LYPD4: variants seen among roughly 807,000 people sequenced by gnomAD.
LYPD4 encodes the protein LY6/PLAUR domain containing 4.
In LYPD4, 20 loss-of-function variants were observed where a neutral mutation model predicts 18.2. The observed-to-expected ratio is 1.10, with a 90% CI of 0.77 to 1.59. The LOEUF is 1.59. Ranked by LOEUF, LYPD4 falls within the 40% of genes most tolerant of loss-of-function variation. The pLI is 0.00. For missense variants in LYPD4, 278 were observed against 300.3 expected, an observed-to-expected ratio of 0.93 and a Z score of 0.55; for synonymous variants, 111 against 118.3, an observed-to-expected ratio of 0.94 and a Z score of 0.40.
At chr19:41,841,305 G>A (rs536815054) in intron 1 of LYPD4, among the ~76,000 whole-genome samples, 1 of 151,670 alleles carries the variant, frequency 6.6e-6, no homozygotes, top group South Asian at 2.1e-4. Flanking sequence ...GACTGCTCGA[G>A]GTCAGCAATT....
chr19:41,841,094 A>G (rs1446185440), intron 1 of LYPD4, among the ~76,000 whole-genome samples: 1 of 152,238 alleles, frequency 6.6e-6, no homozygotes, highest in Admixed American at 6.5e-5. Flanking sequence ...AAAAAGATCC[A>G]TTCTATGAAA....
chr19:41,839,365 G>A lies in LYPD4; in HGVS notation c.-80C>T, dbSNP rs1555832666. The A allele has an allele frequency of 7.4e-7, 1 of 1,342,350 alleles. No homozygotes were observed. Among genetic ancestry groups the A allele is most frequent in the East Asian group, 2.3e-5 (1 of 43,434 alleles). The allele number at this position is 1,342,350 out of a possible 1,614,324, so 83.2% of individuals were successfully genotyped here. On this transcript the variant is annotated 5_prime_UTR_variant, in exon 2 of 5. Coordinates refer to ENST00000609812, the MANE Select transcript of LYPD4 (RefSeq NM_173506.7). ...TGGATCCCAAGCTCAGTTCCCATCA[G>A]TCCCCGAATTCTTTGTCCACCTGTC...
intron 4 of LYPD4, 37 bp from the exon 5 acceptor site, chr19:41,837,382 A>G: frequency 1.2e-6 from 2 of 1,611,226 alleles, no homozygotes; most frequent in East Asian, 2.2e-5. Context: ...GAACACTTTC[A>G]AGACTCAAGA....
downstream of LYPD4, among the ~76,000 whole-genome samples, chr19:41,836,467 G>C (rs2073375953): frequency 6.6e-6 from 1 of 151,972 alleles, no homozygotes; most frequent in Non-Finnish European, 1.5e-5. Flanking sequence ...TTTCTTCTTT[G>C]CAAAATAGAG....
chr19:41,837,117 G>C lies in LYPD4; in HGVS notation c.*26C>G. 6.2e-7 allele frequency: 1 copy of C among 1,613,206 alleles called. No homozygotes were observed. Among genetic ancestry groups the C allele is most frequent in the Non-Finnish European group, 8.5e-7 (1 of 1,179,722 alleles). The stretch of plus-strand genomic sequence containing the variant: ...TTTATTTGTTATGTGAAAGAGTCTG[G>C]GTGCTTGTCGGGTGCAGCTAGATGG... On this transcript the variant is annotated 3_prime_UTR_variant, in exon 5 of 5. Transcript: ENST00000609812.
At chr19:41,843,062 AAAAAAAAAAAAAAAACC>A (rs1600569057) in intron 1 of LYPD4, among the ~76,000 whole-genome samples, 2,533 of 53,406 alleles carry the variant, frequency 0.047, 496 homozygotes, top group South Asian at 0.1. Context: ...AAAAAAAAAA[AAAAAAAAAAAAAAAACC>A]CCAACAACAA....
At chr19:41,839,065 C>A in intron 2 of LYPD4, 41 bp from the exon 3 acceptor site, 1 of 1,611,736 alleles carries the variant, frequency 6.2e-7, no homozygotes, top group Non-Finnish European at 8.5e-7. Context: ...CCCCTCATAT[C>A]ATCTTCTGAG....
rs373904116 is a variant in LYPD4 at position 41,839,043 on chromosome 19, C to T, written c.68-19G>A. 7 of 1,612,744 alleles carry T rather than the reference C, an allele frequency of 4.3e-6. No individual in the cohort carries two copies. Among genetic ancestry groups the T allele is most frequent in the Non-Finnish European group, 5.9e-6 (7 of 1,179,648 alleles). On this transcript the variant is annotated intron_variant, in intron 2 of 4. Transcript: ENST00000609812. ...CCAGCCCCTAAAAAGAGAATGCTCT[C>T]CCAGTCATTGGCCCCTCATATCATC...
At chr19:41,841,633 T>C (rs1488390351) in intron 1 of LYPD4, among the ~76,000 whole-genome samples, 1 of 125,582 alleles carries the variant, frequency 8.0e-6, no homozygotes, top group Non-Finnish European at 1.6e-5. Context: ...GCCACTGCAC[T>C]CCAGCCTGGG....
Position 41,841,112 on chromosome 19 carries a change from G to A in LYPD4, c.-120-1707C>T, listed in dbSNP as rs372547863. ...AAGATCCATTCTATGAAAAGATTTAGTTAGTTCGCTGGCAAATCTGATCAA... is the reference window on the plus strand; with the variant it reads ...AAGATCCATTCTATGAAAAGATTTAATTAGTTCGCTGGCAAATCTGATCAA... On this transcript the variant is annotated intron_variant, in intron 1 of 4. Coordinates refer to ENST00000609812, the MANE Select transcript of LYPD4 (RefSeq NM_173506.7). Among the ~76,000 whole-genome samples, 53 of 152,304 alleles carry A rather than the reference G, an allele frequency of 3.5e-4. 1 individual carries two copies. The East Asian group carries it at 6.4e-3, about 18-fold the overall frequency.
chr19:41,839,634 G>C, intron 1 of LYPD4: 1 of 322,100 alleles, frequency 3.1e-6, no homozygotes, highest in South Asian at 5.0e-5. Flanking sequence ...TCCAGCCAGA[G>C]GCAATGAGAT....
downstream of LYPD4, among the ~76,000 whole-genome samples, chr19:41,836,917 G>T (rs1555830472): frequency 6.6e-6 from 1 of 151,964 alleles, no homozygotes; most frequent in African/African-American, 2.4e-5. Flanking sequence ...CCAGAGGAAG[G>T]GGAAGGAGAA....
intron 3 of LYPD4, 150 bp downstream of exon 3, chr19:41,838,731 C>T: frequency 2.5e-6 from 1 of 393,212 alleles, no homozygotes; most frequent in Non-Finnish European, 3.7e-6. Flanking sequence ...CTCCCCATCT[C>T]AAAAAAAATT....
chr19:41,840,843 A>AG (rs1276463452), intron 1 of LYPD4, among the ~76,000 whole-genome samples: 13 of 152,168 alleles, frequency 8.5e-5, no homozygotes, highest in African/African-American at 3.1e-4. Flanking sequence ...AAAAAAAAAA[A>AG]TAAAATAAAA....
chr19:41,839,686 G>A (rs1200240285), intron 1 of LYPD4: 1 of 190,502 alleles, frequency 5.2e-6, no homozygotes, highest in African/African-American at 2.3e-5. Flanking sequence ...TGTGTTGTGT[G>A]TGTGTGTGTG....
chr19:41,844,718 T>G (rs1186671727), upstream of LYPD4: 2 of 152,118 alleles, frequency 1.3e-5, no homozygotes, highest in African/African-American at 2.4e-5. Flanking sequence ...GGGCCGTTCC[T>G]GGGGGGCGGG....
At position 41,843,589 on chromosome 19, in the gene LYPD4, T is replaced by C. The variant is rs1233876546; in HGVS notation, c.-132A>G. 2 of 151,818 alleles carry C rather than the reference T, an allele frequency of 1.3e-5. No individual in the cohort carries two copies. Among genetic ancestry groups the C allele is most frequent in the Non-Finnish European group, 2.9e-5 (2 of 68,012 alleles). The allele number at this position is 151,818 out of a possible 1,614,324, so 9.4% of individuals were successfully genotyped here. Reference sequence around the variant, plus strand: ...AAGCGCCACCCAACCTTTCCAATTTTATCTAGGACAGCTCCCCTGCCCAGC... The same window carrying C: ...AAGCGCCACCCAACCTTTCCAATTTCATCTAGGACAGCTCCCCTGCCCAGC... On this transcript the variant is annotated 5_prime_UTR_variant, in exon 1 of 5. In the 5' UTR this introduces an upstream ATG that the reference lacks. Transcript: ENST00000609812.
intron 2 of LYPD4, 28 bp from the exon 3 acceptor site, chr19:41,839,052 T>C (rs782205855): frequency 6.2e-7 from 1 of 1,612,538 alleles, no homozygotes; most frequent in African/African-American, 1.3e-5. Flanking sequence ...TCCCAGTCAT[T>C]GGCCCCTCAT....
chr19:41,839,090 AC>A, intron 2 of LYPD4, 66 bp from the exon 3 acceptor site: 1 of 1,609,422 alleles, frequency 6.2e-7, no homozygotes, highest in Non-Finnish European at 8.5e-7. Flanking sequence ...TTAACTGCCA[AC>A]CAAGAGTTCA....
Sources: allele counts gnomAD v4.1 joint callset (sites outside exome capture counted in the v4.1 genomes callset), GRCh38; gene constraint gnomAD v4.1.1; transcripts MANE v1.5; gene names NCBI Gene and HGNC (gene_info 2026-07-23, HGNC 2026-07-21).